The following MRTFA variants were observed in gnomAD, a reference collection of about 807,000 sequenced individuals.
MRTFA encodes myocardin-related transcription factor A.
In MRTFA, 20 loss-of-function variants were observed where a neutral mutation model predicts 83.5. That is an observed-to-expected ratio of 0.24 (90% confidence interval 0.17 to 0.35). The LOEUF (loss-of-function observed/expected upper bound fraction) is 0.35. MRTFA is among the 10% of genes least tolerant of loss of function. The pLI is 1.00. For missense variants in MRTFA, 1,200 were observed against 1,224.7 expected (o/e 0.98, Z 0.30); for synonymous variants, 659 against 541.2 (o/e 1.22, Z -3.02).
intron 3 of MRTFA, among the ~76,000 whole-genome samples, chr22:40,507,783 C>G (rs997306419): frequency 4.6e-5 from 7 of 151,240 alleles, no homozygotes; most frequent in African/African-American, 1.5e-4. Context: ...ACCAACATGG[C>G]GAAACCCCGT....
At chr22:40,566,797 C>T (rs768332903) in intron 2 of MRTFA, among the ~76,000 whole-genome samples, 1 of 152,166 alleles carries the variant, frequency 6.6e-6, no homozygotes, top group Non-Finnish European at 1.5e-5. Flanking sequence ...CACACCACTG[C>T]ACCCTCGCTT....
chr22:40,580,588 C>A (rs910546118), intron 2 of MRTFA, among the ~76,000 whole-genome samples: 1 of 152,108 alleles, frequency 6.6e-6, no homozygotes, highest in African/African-American at 2.4e-5. Flanking sequence ...GACATACTGC[C>A]ATATTTGCGT....
intron 7 of MRTFA, 161 bp downstream of exon 7, chr22:40,429,445 G>T (rs758457121): frequency 1.3e-6 from 1 of 793,410 alleles, no homozygotes; most frequent in African/African-American, 1.7e-5. Flanking sequence ...TACAACCTGT[G>T]CATGAGGCTC....
chr22:40,419,514 G>A (rs986641002), intron 11 of MRTFA, 130 bp from the exon 12 acceptor site: 3 of 790,116 alleles, frequency 3.8e-6, no homozygotes, highest in South Asian at 3.2e-5. Context: ...CCAGCAGCCT[G>A]GAGGGTGCAA....
intron 6 of MRTFA, 81 bp from the exon 7 acceptor site, chr22:40,429,848 T>G: frequency 3.5e-6 from 5 of 1,412,102 alleles, no homozygotes; most frequent in Non-Finnish European, 3.8e-6. Context: ...GCAGCTCTCC[T>G]TCCTCCTGGG....
chr22:40,551,239 AAC>A (rs1408015113), intron 3 of MRTFA, among the ~76,000 whole-genome samples: 1 of 152,206 alleles, frequency 6.6e-6, no homozygotes, highest in Non-Finnish European at 1.5e-5. Context: ...AACAGTACTT[AAC>A]ACAGTTTAAT....
intron 3 of MRTFA, among the ~76,000 whole-genome samples, chr22:40,488,900 T>C (rs2054219150): frequency 6.6e-6 from 1 of 152,206 alleles, no homozygotes. Flanking sequence ...TGGGTACATT[T>C]GACTTGTGGC....
intron 1 of MRTFA, among the ~76,000 whole-genome samples, chr22:40,595,295 T>C (rs1471450159): frequency 6.6e-6 from 1 of 151,876 alleles, no homozygotes; most frequent in Non-Finnish European, 1.5e-5. Context: ...TATTTTTTTT[T>C]GTATTTTAGT....
chr22:40,595,693 T>TA (rs1162736108), intron 1 of MRTFA, among the ~76,000 whole-genome samples: 4 of 151,978 alleles, frequency 2.6e-5, no homozygotes, highest in Admixed American at 6.6e-5. Context: ...TCATTCACAG[T>TA]AAAAAATCAG....
At chr22:40,542,020 T>A (rs1016791100) in intron 3 of MRTFA, among the ~76,000 whole-genome samples, 12 of 152,044 alleles carry the variant, frequency 7.9e-5, no homozygotes, top group Non-Finnish European at 1.6e-4. Flanking sequence ...TTATTTATTT[T>A]AAGACAGGGT....
chr22:40,457,464 AAGAAAG>A (rs1430413408), intron 4 of MRTFA, among the ~76,000 whole-genome samples: 1 of 150,998 alleles, frequency 6.6e-6, no homozygotes, highest in East Asian at 2.0e-4. Flanking sequence ...GAAAGAAAGA[AAGAAAG>A]AAAGAAAGAA....
At chr22:40,588,959 G>T (rs1339804086) in intron 2 of MRTFA, among the ~76,000 whole-genome samples, 1 of 152,058 alleles carries the variant, frequency 6.6e-6, no homozygotes, top group Non-Finnish European at 1.5e-5. Context: ...TCCAGCCTGG[G>T]GCAATAGAGT....
In MRTFA at chr22:40,410,604, G is replaced by A; in HGVS notation, c.*786C>T. The A allele has an allele frequency of 4.3e-6, 1 of 233,518 alleles. No homozygotes were observed. Among genetic ancestry groups the A allele is most frequent in the Non-Finnish European group, 8.5e-6 (1 of 117,902 alleles). The allele number at this position is 233,518 out of a possible 1,614,324, so 14.5% of individuals were successfully genotyped here. ...GATAAGGAGCCAGGAAGCAGGGCAG[G>A]TGGGGCATAGGCCGTGGCAGGGTAC... On this transcript the variant is annotated 3_prime_UTR_variant, in exon 15 of 15. Coordinates refer to ENST00000355630, the MANE Select transcript of MRTFA (RefSeq NM_020831.6).
intron 3 of MRTFA, among the ~76,000 whole-genome samples, chr22:40,496,826 T>A (rs2054363003): frequency 6.6e-6 from 1 of 151,758 alleles, no homozygotes; most frequent in South Asian, 2.1e-4. Flanking sequence ...CCAAAAATCT[T>A]TTTCTCAAGA....
chr22:40,499,817 A>G (rs887340161), intron 3 of MRTFA, among the ~76,000 whole-genome samples: 1 of 151,968 alleles, frequency 6.6e-6, no homozygotes, highest in African/African-American at 2.4e-5. Context: ...AACTTTCACC[A>G]TAAATTTCCC....
At chr22:40,557,712 T>C (rs2055546667) in intron 2 of MRTFA, among the ~76,000 whole-genome samples, 2 of 152,072 alleles carry the variant, frequency 1.3e-5, no homozygotes, top group Non-Finnish European at 1.5e-5. Context: ...GGAGGAAAGG[T>C]GAATTTAATG....
intron 3 of MRTFA, chr22:40,526,596 T>C (rs1313194877): frequency 6.6e-6 from 1 of 152,210 alleles, no homozygotes; most frequent in African/African-American, 2.4e-5. Flanking sequence ...TTTCAGTGAA[T>C]GAGAATAACT....
chr22:40,519,387 T>C (rs1021994749), intron 3 of MRTFA: 1 of 1,305,282 alleles, frequency 7.7e-7, no homozygotes, highest in Non-Finnish European at 1.0e-6. Flanking sequence ...TTGTGTAATA[T>C]TTCATTTAGT....
In MRTFA at chr22:40,416,400, G is replaced by A. The variant is rs533807316; in HGVS notation, c.2578+586C>T. On this transcript the variant is annotated intron_variant, in intron 14 of 14. Coordinates refer to ENST00000355630, the MANE Select transcript of MRTFA (RefSeq NM_020831.6). The surrounding 1 kb of genome is among the most constrained non-coding windows in gnomAD (Gnocchi z 4.2). Reference sequence around the variant, plus strand: ...ATCGCCTGGGTCCTGCATCAGACCAGGCCTTTTCTGCTCAAGGCTGTGCGA... The same window carrying A: ...ATCGCCTGGGTCCTGCATCAGACCAAGCCTTTTCTGCTCAAGGCTGTGCGA... Among the ~76,000 whole-genome samples the A allele has an allele frequency of 6.6e-6, 1 of 152,364 alleles. No homozygotes were observed. Among genetic ancestry groups the A allele is most frequent in the East Asian group, 1.9e-4 (1 of 5,182 alleles).
Sources: allele counts gnomAD v4.1 joint callset (sites outside exome capture counted in the v4.1 genomes callset), GRCh38; gene constraint gnomAD v4.1.1; non-coding constraint Gnocchi (gnomAD v3.1); transcripts MANE v1.5; gene names NCBI Gene and HGNC (gene_info 2026-07-23, HGNC 2026-07-21).